BBOF1: variants seen among roughly 807,000 people sequenced by gnomAD.
The protein encoded by BBOF1 is basal body-orientation factor 1.
Under a neutral mutation model 68.0 loss-of-function variants are expected in BBOF1, and 62 were observed. The ratio of observed to expected loss-of-function variants is 0.91; its 90% CI spans 0.74 to 1.13. The LOEUF (loss-of-function observed/expected upper bound fraction) is 1.13, where lower values mean the gene tolerates loss of function less well. Among genes scored for constraint, BBOF1 ranks in the 50% most tolerant of loss-of-function variants. The pLI is 0.00. For missense variants in BBOF1, 534 were observed against 600.1 expected (o/e 0.89, Z 1.15); for synonymous variants, 208 against 198.8 (o/e 1.05, Z -0.39).
chr14:74,062,498 G>A (rs2060369601), intron 11 of BBOF1, among the ~76,000 whole-genome samples: 1 of 152,084 alleles, frequency 6.6e-6, no homozygotes, highest in Non-Finnish European at 1.5e-5. Flanking sequence ...CTACTCGGGA[G>A]GCATAGATAC....
rs562751551 is a variant in BBOF1 at position 74,074,911 on chromosome 14, T to G, written n.1380-3285T>G. The stretch of plus-strand genomic sequence containing the variant: ...AAGATAGAGATACCCAAAACTATAC[T>G]GAATTCCTTCTCAGAAGTCAACCTC... On this transcript the variant is annotated intron_variant and non_coding_transcript_variant, in intron 9 of 12. Coordinates refer to the BBOF1 transcript ENST00000492026. 20 of 1,585,640 alleles carry G rather than the reference T, an allele frequency of 1.3e-5. No homozygotes were observed. The East Asian group carries it at 4.0e-4, about 32-fold the overall frequency.
intron 11 of BBOF1, chr14:74,060,618 AGTCAGTC>A (rs778803358): frequency 5.0e-5 from 74 of 1,484,742 alleles, no homozygotes; most frequent in South Asian, 4.7e-4. Context: ...CTCAGGATGG[AGTCAGTC>A]TTAAACAAAC....
chr14:74,061,375 C>G (rs2060338226), intron 11 of BBOF1, among the ~76,000 whole-genome samples: 1 of 152,064 alleles, frequency 6.6e-6, no homozygotes, highest in Non-Finnish European at 1.5e-5. Context: ...GATCTTGGCT[C>G]ACTGCAACCT....
intron 11 of BBOF1, chr14:74,058,257 G>A (rs2060263899): frequency 1.3e-5 from 2 of 152,204 alleles, no homozygotes; most frequent in South Asian, 4.1e-4. Flanking sequence ...AACCCAGGAG[G>A]TGGAGGTTGC....
chr14:74,050,335 CT>C, intron 8 of BBOF1, 140 bp downstream of exon 8: 1 of 926,264 alleles, frequency 1.1e-6, no homozygotes, highest in Non-Finnish European at 1.6e-6. Flanking sequence ...CAGGAACTGA[CT>C]TATTCATCTT....
At chr14:74,071,293 G>A in intron 9 of BBOF1, 3 of 1,614,174 alleles carry the variant, frequency 1.9e-6, no homozygotes, top group Non-Finnish European at 2.5e-6. Context: ...GACTCGCTCA[G>A]ATGGTTTCAT....
At chr14:74,051,185 A>G (rs1052715627) in intron 8 of BBOF1, among the ~76,000 whole-genome samples, 3 of 151,682 alleles carry the variant, frequency 2.0e-5, no homozygotes, top group Non-Finnish European at 4.4e-5. Context: ...TGGAGGTTTC[A>G]ATGAGCCAAG....
chr14:74,056,685 A>G (rs2060217119), intron 9 of BBOF1, among the ~76,000 whole-genome samples: 2 of 152,184 alleles, frequency 1.3e-5, no homozygotes. Context: ...TTGTAACACA[A>G]GGGATAAATA....
intron 9 of BBOF1, chr14:74,072,318 T>C (rs139109624): frequency 3.6e-5 from 58 of 1,614,128 alleles, no homozygotes; most frequent in Non-Finnish European, 4.6e-5. Context: ...TGCATCCATT[T>C]CTGCCTTGGT....
At position 74,063,051 on chromosome 14, in the gene BBOF1, C is replaced by T. The variant is rs559362756; in HGVS notation, c.1579-1637C>T. 3.3e-5 allele frequency among the ~76,000 whole-genome samples: 5 copies of T among 152,288 alleles called. No individual in the cohort carries two copies. In the East Asian group the frequency reaches 9.7e-4, roughly 29 times the overall value. ...CCTACATGACTCAACCCCTGCCTGC[C>T]TCTCTAACTTCATTTCTTCCTTTTC... On this transcript the variant is annotated intron_variant, in intron 11 of 11. Transcript: ENST00000394009.
Position 74,056,911 on chromosome 14 carries a change from A to T in BBOF1, c.1394A>T (p.Tyr465Phe). Residue 465 changes from tyrosine (Y) to phenylalanine (F), a missense_variant, in exon 10 of 12, where the codon TAC becomes TTC. Tyr to Phe is a conservative substitution (Grantham distance 22). Transcript: ENST00000394009. ...AKMNGCPSRK[Y>F]NQSSRPPVPD... ...TTGACTTTTACCCACTACAGGAAAT[A>T]CAACCAGAGTTCTAGGCCTCCAGTT... is the stretch of plus-strand genomic sequence containing the variant. 1 of 1,612,200 alleles carries T rather than the reference A, an allele frequency of 6.2e-7. No homozygotes were observed.
chr14:74,070,916 C>T (rs867230355), downstream of BBOF1: 49 of 436,166 alleles, frequency 1.1e-4, no homozygotes, highest in African/African-American at 9.0e-4. Flanking sequence ...ATTCTCTTCA[C>T]ACTGAAGAAA....
Position 74,064,839 on chromosome 14 carries a change from T to C in BBOF1, c.*140T>C. ...AAAGTTACCTGTTTGCCATAGAAATTGGTGTCTCCCCTGAAGGAGGATCGA... is the reference window on the plus strand; with the variant it reads ...AAAGTTACCTGTTTGCCATAGAAATCGGTGTCTCCCCTGAAGGAGGATCGA... On this transcript the variant is annotated 3_prime_UTR_variant, in exon 12 of 12. Coordinates refer to ENST00000394009, the MANE Select transcript of BBOF1 (RefSeq NM_025057.3). The C allele has an allele frequency of 6.2e-7, 1 of 1,614,014 alleles. No homozygotes were observed. Among genetic ancestry groups the C allele is most frequent in the Non-Finnish European group, 8.5e-7 (1 of 1,179,966 alleles).
chr14:74,082,318 T>C (rs1396973902), intron 12 of BBOF1, among the ~76,000 whole-genome samples: 3 of 150,262 alleles, frequency 2.0e-5, no homozygotes, highest in African/African-American at 7.3e-5. Context: ...ATACTTAAAA[T>C]AATTGAAAAC....
intron 6 of BBOF1, among the ~76,000 whole-genome samples, 172 bp from the exon 7 acceptor site, chr14:74,047,758 G>A (rs923749117): frequency 6.6e-6 from 1 of 152,018 alleles, no homozygotes; most frequent in Non-Finnish European, 1.5e-5. Flanking sequence ...TTTTTATTGG[G>A]TGAAAACTTA....
chr14:74,071,302 A>G lies in BBOF1; in HGVS notation n.1380-6894A>G, dbSNP rs2060545773. 4 of 1,614,210 alleles carry G rather than the reference A, an allele frequency of 2.5e-6. No individual in the cohort carries two copies. The highest frequency in any genetic ancestry group is 3.4e-6 in the Non-Finnish European group (4 of 1,180,032). On this transcript the variant is annotated intron_variant and non_coding_transcript_variant, in intron 9 of 12. Coordinates refer to the BBOF1 transcript ENST00000492026. ...TCCAGGGACTCGCTCAGATGGTTTCATTAGGAAGGTATTTCCACACACCAT... is the reference window on the plus strand; with the variant it reads ...TCCAGGGACTCGCTCAGATGGTTTCGTTAGGAAGGTATTTCCACACACCAT...
Position 74,064,962 on chromosome 14 carries a change from A to G in BBOF1, c.*263A>G. ...CCGTGTCATATCCTAAGGACAAAGG[A>G]ACTCTCCATTTAGAAACACAAAGGC... On this transcript the variant is annotated 3_prime_UTR_variant, in exon 12 of 12. Coordinates refer to ENST00000394009, the MANE Select transcript of BBOF1 (RefSeq NM_025057.3). 6.4e-7 allele frequency: 1 copy of G among 1,572,020 alleles called. No individual in the cohort carries two copies. The highest frequency in any genetic ancestry group is 1.1e-5 in the South Asian group (1 of 89,294).
rs1033942050 is a variant in BBOF1, at chr14:74,065,433, T to A, written c.*734T>A. The A allele has an allele frequency of 7.5e-7, 1 of 1,329,550 alleles. No homozygotes were observed. Among genetic ancestry groups the A allele is most frequent in the Non-Finnish European group, 1.1e-6 (1 of 938,698 alleles). The allele number at this position is 1,329,550 out of a possible 1,614,324, so 82.4% of individuals were successfully genotyped here. On this transcript the variant is annotated 3_prime_UTR_variant, in exon 12 of 12. Coordinates refer to ENST00000394009, the MANE Select transcript of BBOF1 (RefSeq NM_025057.3). ...GAGTATTTTATGCTTATTTGGTACT[T>A]TCACTTACTACACATCATTTACGTG...
chr14:74,039,997 C>CAT lies in BBOF1; in HGVS notation c.496-555_496-554dup, dbSNP rs574603957. On this transcript the variant is annotated intron_variant, in intron 4 of 11. Transcript: ENST00000394009. ...AATGTTGTCTCTCTCTCTTCCAAAA[C>CAT]ATATATATATATATTTTTTGAGACT... Among the ~76,000 whole-genome samples, 53 of 151,348 alleles carry CAT rather than the reference C, an allele frequency of 3.5e-4. No individual in the cohort carries two copies. In the South Asian group the frequency reaches 5.7e-3, roughly 16 times the overall value.
Sources: allele counts gnomAD v4.1 joint callset (sites outside exome capture counted in the v4.1 genomes callset), GRCh38; gene constraint gnomAD v4.1.1; transcripts MANE v1.5; gene names NCBI Gene and HGNC (gene_info 2026-07-23, HGNC 2026-07-21).